ASPH: variants seen among roughly 807,000 people sequenced by gnomAD.
The protein encoded by ASPH is aspartate beta-hydroxylase, also known as aspartyl/asparaginyl beta-hydroxylase.
ASPH carries 100 observed loss-of-function variants against 118.4 expected under a neutral mutation model. The observed-to-expected ratio is 0.84, with a 90% CI of 0.72 to 1.00. ASPH has a LOEUF of 1.00. Ranked by LOEUF, ASPH falls within the 50% of genes least tolerant of loss-of-function variation. The probability of loss-of-function intolerance (pLI) is 0.00; values close to 1 mark genes in which losing one functional copy is unlikely to be tolerated. For missense variants in ASPH, 920 were observed against 919.5 expected (o/e 1.00, Z -0.01); for synonymous variants, 315 against 325.6 (o/e 0.97, Z 0.35).
intron 24 of ASPH, among the ~76,000 whole-genome samples, chr8:61,508,489 T>G (rs1807518177): frequency 6.6e-6 from 1 of 152,230 alleles, no homozygotes; most frequent in South Asian, 2.1e-4. Context: ...ATTTAATAAC[T>G]ATAATTTGGT....
rs1253748746 is a variant in ASPH, at chr8:61,620,283, T to C, written c.935-1264A>G. Among the ~76,000 whole-genome samples the C allele has an allele frequency of 2.6e-5, 4 of 152,128 alleles. No individual in the cohort carries two copies. The East Asian group carries it at 5.8e-4, about 22-fold the overall frequency. On this transcript the variant is annotated intron_variant, in intron 13 of 24. Coordinates refer to ENST00000379454, the MANE Select transcript of ASPH (RefSeq NM_004318.4). ...CTCCCTCTTTGTGCATAGGAGAAAA[T>C]AGATGGCTGAGAAATTAGAGTCCCC... is the stretch of plus-strand genomic sequence containing the variant.
At chr8:61,644,818 C>A (rs1238269638) in intron 6 of ASPH, among the ~76,000 whole-genome samples, 186 bp from the exon 7 acceptor site, 1 of 152,166 alleles carries the variant, frequency 6.6e-6, no homozygotes, top group African/African-American at 2.4e-5. Context: ...GGATGTCTCA[C>A]ACATTCTCCT....
chr8:61,539,914 A>T (rs1278180384), intron 21 of ASPH, among the ~76,000 whole-genome samples: 1 of 152,170 alleles, frequency 6.6e-6, no homozygotes, highest in Admixed American at 6.6e-5. Flanking sequence ...CAAAACTCTT[A>T]AGCTTTAATG....
intron 13 of ASPH, chr8:61,625,765 T>C: frequency 2.0e-6 from 2 of 985,648 alleles, no homozygotes; most frequent in South Asian, 9.4e-5. Context: ...ACTCAAATCT[T>C]CACAGCTAAT....
chr8:61,567,953 A>G (rs1472810587), intron 16 of ASPH, among the ~76,000 whole-genome samples: 1 of 152,174 alleles, frequency 6.6e-6, no homozygotes, highest in Non-Finnish European at 1.5e-5. Flanking sequence ...AATTATGAAG[A>G]TACCTTGGGG....
chr8:61,637,309 A>C (rs1480755522), intron 12 of ASPH, among the ~76,000 whole-genome samples: 1 of 151,960 alleles, frequency 6.6e-6, no homozygotes, highest in Non-Finnish European at 1.5e-5. Flanking sequence ...CAGTCACCTG[A>C]CCTCACTCCA....
At position 61,603,218 on chromosome 8, in the gene ASPH, A is replaced by T. The variant is rs969091987; in HGVS notation, c.976+15760T>A. On this transcript the variant is annotated intron_variant, in intron 14 of 24. Coordinates refer to ENST00000379454, the MANE Select transcript of ASPH (RefSeq NM_004318.4). ...AAAAAAAAAAAAAAAAAAAAAAAAA[A>T]GAGAAAAGAAATTCACAATAATTTC... Among the ~76,000 whole-genome samples, 6 of 141,774 alleles carry T rather than the reference A, an allele frequency of 4.2e-5. No individual in the cohort carries two copies. The East Asian group carries it at 6.1e-4, about 14-fold the overall frequency. The allele number at this position is 141,774 out of a possible 152,430, so 93.0% of individuals were successfully genotyped here. A position where few individuals can be genotyped will look rare whatever the true frequency, so the allele number is the denominator to read the frequency against.
chr8:61,552,956 T>C, intron 20 of ASPH, 75 bp downstream of exon 20: 1 of 1,277,800 alleles, frequency 7.8e-7, no homozygotes, highest in Non-Finnish European at 1.1e-6. Context: ...TTTTGAATTC[T>C]AACTTTCCTA....
intron 1 of ASPH, among the ~76,000 whole-genome samples, chr8:61,685,453 G>A (rs1830091796): frequency 6.6e-6 from 1 of 152,104 alleles, no homozygotes; most frequent in African/African-American, 2.4e-5. Flanking sequence ...CATCTCTACA[G>A]CTCTGAGTTC....
At chr8:61,514,144 TC>T (rs779663655) in intron 24 of ASPH, among the ~76,000 whole-genome samples, 1 of 151,824 alleles carries the variant, frequency 6.6e-6, no homozygotes, top group Non-Finnish European at 1.5e-5. Context: ...CCAACATGCA[TC>T]TTAAGCCCTC....
At chr8:61,627,916 T>C (rs1343368399) in intron 13 of ASPH, among the ~76,000 whole-genome samples, 1 of 152,110 alleles carries the variant, frequency 6.6e-6, no homozygotes, top group African/African-American at 2.4e-5. Context: ...AAGCCAGAAA[T>C]GTAGGAACGT....
At chr8:61,680,730 A>G in intron 3 of ASPH, 1 of 292,932 alleles carries the variant, frequency 3.4e-6, no homozygotes, top group Non-Finnish European at 6.3e-6. Context: ...TGAAATTATT[A>G]TACTTATCAA....
intron 20 of ASPH, among the ~76,000 whole-genome samples, chr8:61,549,057 TA>T (rs1230403035): frequency 6.6e-6 from 1 of 152,202 alleles, no homozygotes; most frequent in Non-Finnish European, 1.5e-5. Flanking sequence ...ATGGTACACT[TA>T]ATATTATCCC....
chr8:61,662,809 G>C, intron 3 of ASPH: 1 of 976,812 alleles, frequency 1.0e-6, no homozygotes, highest in Non-Finnish European at 1.2e-6. Flanking sequence ...AAATCAATGA[G>C]ATAGCCAAAA....
rs1838896606 is a variant in ASPH at position 61,714,444 on chromosome 8, A to AGCCGCTGGCGGCGGCGG, written c.-74_-73insCCGCCGCCGCCAGCGGC. The AGCCGCTGGCGGCGGCGG allele has an allele frequency of 2.2e-6, 3 of 1,367,002 alleles. No homozygotes were observed. The highest frequency in any genetic ancestry group is 3.1e-5 in the East Asian group (1 of 32,338). 84.7% of individuals were successfully genotyped at this position (1,367,002 alleles called of 1,614,324 possible). A position where few individuals can be genotyped will look rare whatever the true frequency, so the allele number is the denominator to read the frequency against. ...CGCGGGGGTACACACGCGACGCGGG[A>AGCCGCTGGCGGCGGCGG]ACCGCTGGCGGCGGCGGGCCGCTGG... On this transcript the variant is annotated 5_prime_UTR_variant, in exon 1 of 25. Coordinates refer to ENST00000379454, the MANE Select transcript of ASPH (RefSeq NM_004318.4).
At chr8:61,668,144 A>C (rs1216963657) in intron 3 of ASPH, 95 of 1,284,348 alleles carry the variant, frequency 7.4e-5, no homozygotes, top group Non-Finnish European at 2.2e-6. Flanking sequence ...GTTTAGCATT[A>C]GTAGCAATAT....
intron 14 of ASPH, among the ~76,000 whole-genome samples, chr8:61,617,045 A>AGG (rs1849278253): frequency 1.3e-5 from 2 of 152,236 alleles, no homozygotes. Context: ...TACACATCCA[A>AGG]CACATTGAAG....
chr8:61,556,816 T>A lies in ASPH; in HGVS notation c.1438-794A>T, dbSNP rs374866524. The stretch of plus-strand genomic sequence containing the variant: ...GCATGTGCATGTAGGGAAAGATGCA[T>A]CTCCCATCTCTTCTCTCCATCCTTG... On this transcript the variant is annotated intron_variant, in intron 18 of 24. Transcript: ENST00000379454. 5.9e-5 allele frequency among the ~76,000 whole-genome samples: 9 copies of A among 151,868 alleles called. No homozygotes were observed. The East Asian group carries it at 1.6e-3, about 26-fold the overall frequency.
chr8:61,553,045 C>T lies in ASPH; in HGVS notation c.1612G>A (p.Val538Ile), dbSNP rs532922932. 2.5e-4 allele frequency: 405 copies of T among 1,613,148 alleles called. 8 individuals carry two copies. The South Asian group carries it at 4.2e-3, about 17-fold the overall frequency. ...ATACCCATTACCTCTTTGTTCCCAA[C>T]CCTCTGCATGGCATCCCCCAGGTGG... The part of the protein sequence containing the change: ...YFHLGDAMQR[V>I]GNKEAYKWYE... The change falls in exon 20 of 25, where the codon GTT becomes ATT. Residue 538 changes from valine to isoleucine, a missense_variant. Val to Ile is a conservative substitution (Grantham distance 29). Transcript: ENST00000379454.
Sources: gnomAD v4.1 joint callset for allele counts (sites outside exome capture counted in the v4.1 genomes callset) on GRCh38, gnomAD v4.1.1 for gene constraint, MANE v1.5 for transcripts, NCBI Gene and HGNC (gene_info 2026-07-23, HGNC 2026-07-21) for gene names.